The following ENPP2 variants were observed in gnomAD, a reference collection of about 807,000 sequenced individuals.
The protein encoded by ENPP2 is autotaxin.
A neutral mutation model predicts 120.2 loss-of-function variants in ENPP2; 51 were observed. The ratio of observed to expected loss-of-function variants is 0.42; its 90% CI spans 0.34 to 0.54. The LOEUF is 0.54. Among genes scored for constraint, ENPP2 ranks in the 20% least tolerant of loss-of-function variants. The pLI, the probability that ENPP2 is intolerant of heterozygous loss-of-function variation, is 0.04. For missense variants in ENPP2, 920 were observed against 1,066.5 expected, an observed-to-expected ratio of 0.86 and a Z score of 1.91; for synonymous variants, 365 against 366.4, an observed-to-expected ratio of 1.00 and a Z score of 0.04.
Position 119,587,038 on chromosome 8 carries a change from A to G in ENPP2, c.1239+6T>C. On this transcript the variant is annotated splice_donor_region_variant and intron_variant, in intron 14 of 24. Coordinates refer to ENST00000075322, the MANE Select transcript of ENPP2 (RefSeq NM_001040092.3). ...GGGCAGAGGCGGGACAACTGGAAACACTTACCGTGAGATTGGCAATAATGG... is the reference window on the plus strand; with the variant it reads ...GGGCAGAGGCGGGACAACTGGAAACGCTTACCGTGAGATTGGCAATAATGG... 1 of 1,608,252 alleles carries G rather than the reference A, an allele frequency of 6.2e-7. No homozygotes were observed. The highest frequency in any genetic ancestry group is 1.1e-5 in the South Asian group (1 of 89,226).
chr8:119,629,033 T>C (rs1036390244), intron 2 of ENPP2, among the ~76,000 whole-genome samples: 3 of 152,194 alleles, frequency 2.0e-5, no homozygotes, highest in Non-Finnish European at 4.4e-5. Flanking sequence ...TCATTATATA[T>C]AAATACCATA....
chr8:119,576,626 T>C (rs921880567), intron 19 of ENPP2, among the ~76,000 whole-genome samples: 3 of 152,340 alleles, frequency 2.0e-5, no homozygotes, highest in Middle Eastern at 3.4e-3. Flanking sequence ...TGAAAATAAA[T>C]GGTGCAATTA....
chr8:119,654,216 AT>A (rs1817705211), intron 1 of ENPP2, among the ~76,000 whole-genome samples: 1 of 140,198 alleles, frequency 7.1e-6, no homozygotes, highest in Admixed American at 7.3e-5. Flanking sequence ...ATATATAACT[AT>A]TATGTATAGA....
In ENPP2 at chr8:119,666,574, A is replaced by G. The variant is rs1340734115; in HGVS notation, c.21+6678T>C. Among the ~76,000 whole-genome samples, 4 of 152,202 alleles carry G rather than the reference A, an allele frequency of 2.6e-5. No individual in the cohort carries two copies. In the East Asian group the frequency reaches 5.8e-4, roughly 22 times the overall value. On this transcript the variant is annotated intron_variant, in intron 1 of 25. Transcript: ENST00000427067. The stretch of plus-strand genomic sequence containing the variant: ...GGCGGGCAGATCACCCAAGGTCAGG[A>G]GTTCGAGACCAGCCTGACCAACATG...
intron 2 of ENPP2, among the ~76,000 whole-genome samples, chr8:119,636,466 T>C (rs1328367446): frequency 2.6e-5 from 4 of 152,180 alleles, no homozygotes. Flanking sequence ...AAGCTTCACG[T>C]GGTTAGAAGT....
intron 3 of ENPP2, among the ~76,000 whole-genome samples, chr8:119,624,530 T>C (rs1816136185): frequency 6.6e-6 from 1 of 152,104 alleles, no homozygotes; most frequent in Non-Finnish European, 1.5e-5. Flanking sequence ...CTTCCAAAAA[T>C]TTATCTTAAG....
intron 23 of ENPP2, among the ~76,000 whole-genome samples, chr8:119,563,520 A>G (rs540863883): frequency 6.6e-6 from 1 of 152,290 alleles, no homozygotes; most frequent in South Asian, 2.1e-4. Flanking sequence ...CAGGAGAATA[A>G]TGACCCTTTC....
At chr8:119,637,521 T>C (rs1817070729) in intron 2 of ENPP2, among the ~76,000 whole-genome samples, 1 of 152,300 alleles carries the variant, frequency 6.6e-6, no homozygotes, top group African/African-American at 2.4e-5. Context: ...CAAGTGATGG[T>C]CTTTCATAAC....
At chr8:119,619,141 G>A (rs1815697238) in intron 5 of ENPP2, 103 bp downstream of exon 5, 2 of 865,152 alleles carry the variant, frequency 2.3e-6, no homozygotes, top group Admixed American at 3.9e-5. Context: ...CTGTATAAGA[G>A]AATTTCAGTT....
intron 2 of ENPP2, among the ~76,000 whole-genome samples, chr8:119,634,241 C>A (rs1238658557): frequency 1.3e-5 from 2 of 150,900 alleles, no homozygotes; most frequent in African/African-American, 4.9e-5. Context: ...CACACAATGT[C>A]CTCATATAGA....
At chr8:119,660,374 GAT>G (rs1443185497) in intron 1 of ENPP2, among the ~76,000 whole-genome samples, 2 of 152,200 alleles carry the variant, frequency 1.3e-5, no homozygotes, top group Admixed American at 1.3e-4. Flanking sequence ...TAGAAGCTGA[GAT>G]ATAGAGGAAT....
At chr8:119,584,385 T>C (rs1160707710) in intron 15 of ENPP2, among the ~76,000 whole-genome samples, 1 of 152,204 alleles carries the variant, frequency 6.6e-6, no homozygotes, top group African/African-American at 2.4e-5. Context: ...TTCTCGACTC[T>C]AGGACCATGT....
At chr8:119,595,834 T>G in intron 11 of ENPP2, 1 of 1,613,532 alleles carries the variant, frequency 6.2e-7, no homozygotes, top group Non-Finnish European at 8.5e-7. Context: ...TTTGGAACAA[T>G]AGATAAACTT....
Position 119,564,897 on chromosome 8 carries a change from T to C in ENPP2, c.2190A>G (p.Gly730=), listed in dbSNP as rs1185320484. The change falls in exon 23 of 25, where the codon GGA becomes GGG. Residue 730 remains glycine (G), a synonymous_variant. Transcript: ENST00000075322. Reference sequence around the variant, plus strand: ...AGATTGGTCCACTTATCACGTTAACTCCATTTCTTTCCGAAGCATATTTCT... The same window carrying C: ...AGATTGGTCCACTTATCACGTTAACCCCATTTCTTTCCGAAGCATATTTCT... ...LVKKYASERN[G]VNVISGPIFD... The C allele has an allele frequency of 6.2e-7, 1 of 1,612,564 alleles. No homozygotes were observed. The highest frequency in any genetic ancestry group is 8.5e-7 in the Non-Finnish European group (1 of 1,178,806).
At chr8:119,642,747 T>C (rs1166128108), upstream of ENPP2, among the ~76,000 whole-genome samples, 1 of 152,176 alleles carries the variant, frequency 6.6e-6, no homozygotes, top group East Asian at 1.9e-4. Flanking sequence ...AAAGCAGTAG[T>C]GTGTGTATTG....
intron 1 of ENPP2, among the ~76,000 whole-genome samples, chr8:119,665,622 A>G (rs569159852): frequency 6.6e-6 from 1 of 152,370 alleles, no homozygotes; most frequent in South Asian, 2.1e-4. Flanking sequence ...TCCCTTCTGT[A>G]CTAAGCCTAC....
At chr8:119,594,874 G>A (rs550255797) in intron 11 of ENPP2, among the ~76,000 whole-genome samples, 54 of 152,334 alleles carry the variant, frequency 3.5e-4, no homozygotes, top group Non-Finnish European at 6.2e-4. Flanking sequence ...TCTTCCACTA[G>A]CATCTTCTCA....
chr8:119,655,215 A>G (rs1028541018), intron 1 of ENPP2, among the ~76,000 whole-genome samples: 4 of 152,230 alleles, frequency 2.6e-5, no homozygotes, highest in African/African-American at 9.6e-5. Context: ...GAAGACAGAC[A>G]TACGATAAGC....
chr8:119,630,896 C>CT (rs1299355916), intron 2 of ENPP2, among the ~76,000 whole-genome samples: 7 of 147,420 alleles, frequency 4.7e-5, no homozygotes, highest in East Asian at 3.9e-4. Context: ...TTTTTTTTTT[C>CT]TTTTTTTTCT....
Sources: gnomAD v4.1 joint callset for allele counts (sites outside exome capture counted in the v4.1 genomes callset) on GRCh38, gnomAD v4.1.1 for gene constraint, MANE v1.5 for transcripts, NCBI Gene and HGNC (gene_info 2026-07-23, HGNC 2026-07-21) for gene names.